Variants in ANKS1B observed in about 807,000 individuals in gnomAD.
The protein encoded by ANKS1B is ankyrin repeat and sterile alpha motif domain containing 1B, also known as ankyrin repeat and sterile alpha motif domain-containing protein 1B.
ANKS1B carries 36 observed loss-of-function variants against 148.3 expected under a neutral mutation model. That is an observed-to-expected ratio of 0.24 (90% confidence interval 0.19 to 0.32). The LOEUF is 0.32. Ranked by LOEUF, ANKS1B falls within the 10% of genes least tolerant of loss-of-function variation. The probability of loss-of-function intolerance (pLI) is 1.00; values close to 1 mark genes in which losing one functional copy is unlikely to be tolerated. For synonymous variants in ANKS1B, 542 were observed against 560.8 expected, an observed-to-expected ratio of 0.97 and a Z score of 0.47; for missense variants, 1,157 against 1,542.6, an observed-to-expected ratio of 0.75 and a Z score of 4.19.
intron 9 of ANKS1B, among the ~76,000 whole-genome samples, chr12:99,650,260 A>T (rs565374276): frequency 1.1e-5 from 1 of 92,744 alleles, no homozygotes; most frequent in South Asian, 2.9e-4. Flanking sequence ...TTTCCAAAAT[A>T]TAAAATGAGA....
intron 14 of ANKS1B, among the ~76,000 whole-genome samples, chr12:99,212,440 T>A (rs1819472245): frequency 6.6e-6 from 1 of 152,000 alleles, no homozygotes; most frequent in African/African-American, 2.4e-5. Flanking sequence ...GCAAACATAC[T>A]CTGACCTTGC....
At chr12:99,321,692 C>T (rs1243590770) in intron 12 of ANKS1B, among the ~76,000 whole-genome samples, 1 of 152,090 alleles carries the variant, frequency 6.6e-6, no homozygotes, top group Non-Finnish European at 1.5e-5. Context: ...TGGGCTGCAC[C>T]CACTGTCCGA....
chr12:99,923,684 G>A (rs1410475195), intron 1 of ANKS1B, among the ~76,000 whole-genome samples: 1 of 152,146 alleles, frequency 6.6e-6, no homozygotes, highest in African/African-American at 2.4e-5. Context: ...GGTGCCTTGA[G>A]TTTTTTCCTA....
At chr12:99,406,251 AAGAT>A (rs1236497530) in intron 11 of ANKS1B, among the ~76,000 whole-genome samples, 1 of 145,856 alleles carries the variant, frequency 6.9e-6, no homozygotes. Flanking sequence ...ATAATTCTCA[AAGAT>A]AGACCATTTG....
intron 17 of ANKS1B, among the ~76,000 whole-genome samples, chr12:98,834,303 A>C (rs891230193): frequency 1.1e-4 from 16 of 152,202 alleles, no homozygotes; most frequent in Non-Finnish European, 2.4e-4. Flanking sequence ...AAAATGGCTC[A>C]CAATATTCCA....
At chr12:99,082,358 G>A (rs773855670) in intron 16 of ANKS1B, among the ~76,000 whole-genome samples, 6 of 152,136 alleles carry the variant, frequency 3.9e-5, no homozygotes, top group Non-Finnish European at 8.8e-5. Flanking sequence ...TGTCACATTC[G>A]AATAGAGATT....
chr12:99,455,508 G>T (rs1331735248), intron 10 of ANKS1B, among the ~76,000 whole-genome samples: 1 of 152,188 alleles, frequency 6.6e-6, no homozygotes, highest in African/African-American at 2.4e-5. Context: ...AGGGAGGTTT[G>T]TAGCCTGGGG....
chr12:99,333,854 G>GTTTTTTTGTTTTTTTTT lies in ANKS1B; in HGVS notation c.1756+65776_1756+65777insAAAAAAAAACAAAAAAA, dbSNP rs2088103321. On this transcript the variant is annotated intron_variant, in intron 12 of 26. Transcript: ENST00000683438. The stretch of plus-strand genomic sequence containing the variant: ...ATCAAAGTCACATTTCCAGTTCTCA[G>GTTTTTTTGTTTTTTTTT]TTTTTTTTTTTTTTTTTTTTTAACA... 6.5e-5 allele frequency among the ~76,000 whole-genome samples: 7 copies of GTTTTTTTGTTTTTTTTT among 107,454 alleles called. 2 individuals are homozygous for GTTTTTTTGTTTTTTTTT. In the South Asian group the frequency reaches 1.7e-3, roughly 26 times the overall value. The allele number at this position is 107,454 out of a possible 152,430, so 70.5% of individuals were successfully genotyped here.
chr12:98,870,507 C>A (rs1359865704), intron 17 of ANKS1B, among the ~76,000 whole-genome samples: 2 of 152,210 alleles, frequency 1.3e-5, no homozygotes, highest in African/African-American at 4.8e-5. Flanking sequence ...TTTAAATAAA[C>A]CACCACTTTC....
At chr12:98,861,259 A>C (rs888622247) in intron 17 of ANKS1B, among the ~76,000 whole-genome samples, 1 of 152,218 alleles carries the variant, frequency 6.6e-6, no homozygotes, top group Non-Finnish European at 1.5e-5. Context: ...TCAGGCTCCA[A>C]TCTTGATTTT....
At position 99,920,009 on chromosome 12, in the gene ANKS1B, C is replaced by T. The variant is rs143363557; in HGVS notation, c.134+64095G>A. Among the ~76,000 whole-genome samples, 19 of 152,212 alleles carry T rather than the reference C, an allele frequency of 1.2e-4. No individual in the cohort carries two copies. In the East Asian group the frequency reaches 3.7e-3, roughly 29 times the overall value. On this transcript the variant is annotated intron_variant, in intron 1 of 26. Coordinates refer to ENST00000683438, the MANE Select transcript of ANKS1B (RefSeq NM_001352186.2). ...TGCATTTTATTTCCACTGGACAGCA[C>T]TAATGTGAGGTCCTAATTTAACTTG...
intron 19 of ANKS1B, among the ~76,000 whole-genome samples, chr12:98,809,672 A>G (rs2099078775): frequency 2.0e-5 from 3 of 152,172 alleles, no homozygotes; most frequent in South Asian, 4.1e-4. Flanking sequence ...CACTCCAGCT[A>G]TATACAGCTT....
chr12:98,773,068 A>C lies in ANKS1B; in HGVS notation c.3553T>G (p.Cys1185Gly). 6.2e-7 allele frequency: 1 copy of C among 1,614,016 alleles called. No individual in the cohort carries two copies. The highest frequency in any genetic ancestry group is 8.5e-7 in the Non-Finnish European group (1 of 1,179,884). Reference protein sequence around the residue: ...TKDLKSNHHYCHVFTAFDVNL... With the variant: ...TKDLKSNHHYGHVFTAFDVNL... Reference sequence around the variant, plus strand: ...ACATCAAAGGCAGTAAACACATGACAGTAGTGGTGATTAGACTTCAAATCT... The same window carrying C: ...ACATCAAAGGCAGTAAACACATGACCGTAGTGGTGATTAGACTTCAAATCT... Residue 1185 changes from cysteine to glycine, a missense_variant, in exon 25 of 27, where the codon TGT becomes GGT. Transcript: ENST00000683438.
chr12:98,947,562 A>G (rs1257550032), intron 17 of ANKS1B, among the ~76,000 whole-genome samples: 5 of 151,658 alleles, frequency 3.3e-5, no homozygotes, highest in Non-Finnish European at 7.4e-5. Context: ...GTTACATACC[A>G]TGGAGAAGTC....
chr12:99,101,697 G>A (rs1050328592), intron 15 of ANKS1B, among the ~76,000 whole-genome samples: 2 of 152,204 alleles, frequency 1.3e-5, no homozygotes, highest in African/African-American at 4.8e-5. Context: ...GAATAGCTGG[G>A]ATTATGGATG....
chr12:99,816,288 CT>C (rs2069131389), intron 2 of ANKS1B, among the ~76,000 whole-genome samples: 1 of 151,810 alleles, frequency 6.6e-6, no homozygotes, highest in Non-Finnish European at 1.5e-5. Flanking sequence ...TGCATATCTT[CT>C]TTTGAGAAAT....
chr12:99,669,264 G>A (rs996655451), intron 8 of ANKS1B, among the ~76,000 whole-genome samples: 11 of 152,036 alleles, frequency 7.2e-5, no homozygotes, highest in Non-Finnish European at 1.5e-4. Flanking sequence ...TTGACTTCTT[G>A]CACTCAAATG....
intron 25 of ANKS1B, among the ~76,000 whole-genome samples, chr12:98,764,227 TA>T (rs2098451409): frequency 6.6e-6 from 1 of 152,142 alleles, no homozygotes; most frequent in South Asian, 2.1e-4. Context: ...AACTCTTCAC[TA>T]ACTTTTTGTT....
At chr12:99,208,605 A>G (rs2082957106) in intron 14 of ANKS1B, among the ~76,000 whole-genome samples, 1 of 152,134 alleles carries the variant, frequency 6.6e-6, no homozygotes, top group Non-Finnish European at 1.5e-5. Flanking sequence ...GACATTGAAT[A>G]TATAAGTTTC....
Sources: gnomAD v4.1 joint callset for allele counts (sites outside exome capture counted in the v4.1 genomes callset) on GRCh38, gnomAD v4.1.1 for gene constraint, MANE v1.5 for transcripts, NCBI Gene and HGNC (gene_info 2026-07-23, HGNC 2026-07-21) for gene names.